The following SMPD3 variants were observed in gnomAD, a reference collection of about 807,000 sequenced individuals.
SMPD3 encodes sphingomyelin phosphodiesterase 3, also known as nSMase-2.
A neutral mutation model predicts 55.7 loss-of-function variants in SMPD3; 21 were observed. The ratio of observed to expected loss-of-function variants is 0.38; its 90% CI spans 0.27 to 0.54. SMPD3 has a LOEUF of 0.54. Among genes scored for constraint, SMPD3 ranks in the 20% least tolerant of loss-of-function variants. The pLI is 0.80. For missense variants in SMPD3, 842 were observed against 899.6 expected (o/e 0.94, Z 0.82); for synonymous variants, 457 against 404.3 (o/e 1.13, Z -1.56).
intron 1 of SMPD3, among the ~76,000 whole-genome samples, chr16:68,428,535 C>A (rs1214635283): frequency 6.6e-6 from 1 of 152,238 alleles, no homozygotes; most frequent in Non-Finnish European, 1.5e-5. Context: ...GGGTTTATCC[C>A]TTTGTCCTCA....
chr16:68,421,849 A>G (rs1190859626), intron 1 of SMPD3, among the ~76,000 whole-genome samples: 2 of 152,218 alleles, frequency 1.3e-5, no homozygotes, highest in African/African-American at 2.4e-5. Context: ...AAAGATGTCC[A>G]TATCCTAATC....
At chr16:68,376,494 G>C (rs2089818623) in intron 2 of SMPD3, among the ~76,000 whole-genome samples, 1 of 152,254 alleles carries the variant, frequency 6.6e-6, no homozygotes, top group Non-Finnish European at 1.5e-5. Context: ...GGCCTTGAGG[G>C]CTGAGTTTTT....
At chr16:68,421,562 G>A (rs771604041) in intron 1 of SMPD3, among the ~76,000 whole-genome samples, 1 of 152,144 alleles carries the variant, frequency 6.6e-6, no homozygotes, top group Non-Finnish European at 1.5e-5. Flanking sequence ...CACTCCCCCA[G>A]TACACCTGAA....
chr16:68,382,839 T>G (rs1308635117), intron 2 of SMPD3, among the ~76,000 whole-genome samples: 1 of 152,046 alleles, frequency 6.6e-6, no homozygotes, highest in African/African-American at 2.4e-5. Context: ...TTTGTTTTGT[T>G]TTGTTTTGTT....
chr16:68,382,208 G>C (rs2089965015), intron 2 of SMPD3: 2 of 151,946 alleles, frequency 1.3e-5, no homozygotes, highest in Non-Finnish European at 2.9e-5. Context: ...ACCTCTGCCA[G>C]GGGTCAGGGT....
chr16:68,395,091 G>GAA lies in SMPD3; in HGVS notation c.-268-8434_-268-8433dup, dbSNP rs77641348. Among the ~76,000 whole-genome samples, 561 of 137,534 alleles carry GAA rather than the reference G, an allele frequency of 4.1e-3. 3 individuals carry two copies. Among genetic ancestry groups the GAA allele is most frequent in the Non-Finnish European group, 6.8e-3 (426 of 62,894 alleles). The allele number at this position is 137,534 out of a possible 152,430, so 90.2% of individuals were successfully genotyped here. A position where few individuals can be genotyped will look rare whatever the true frequency, so the allele number is the denominator to read the frequency against. The stretch of plus-strand genomic sequence containing the variant: ...ATCTTTCCTAAGGGGGCTGGAATTG[G>GAA]AAAAAAAAAAAAAAGAGGCAGGATT... On this transcript the variant is annotated intron_variant, in intron 1 of 8. Coordinates refer to ENST00000219334, the MANE Select transcript of SMPD3 (RefSeq NM_018667.4).
intron 1 of SMPD3, among the ~76,000 whole-genome samples, chr16:68,420,220 C>T (rs577435757): frequency 5.3e-5 from 8 of 152,204 alleles, no homozygotes; most frequent in African/African-American, 1.7e-4. Flanking sequence ...TGGGATTATA[C>T]GTGTGAGCCA....
At chr16:68,373,597 G>A (rs972051439) in intron 2 of SMPD3, among the ~76,000 whole-genome samples, 4 of 152,124 alleles carry the variant, frequency 2.6e-5, no homozygotes, top group African/African-American at 9.7e-5. Context: ...CCCAAGCCAG[G>A]GACCTAGGTG....
intron 1 of SMPD3, among the ~76,000 whole-genome samples, chr16:68,413,363 G>C (rs1481760778): frequency 6.6e-6 from 1 of 152,208 alleles, no homozygotes; most frequent in East Asian, 1.9e-4. Context: ...GAAGATAGCT[G>C]CAAGATAGCT....
intron 1 of SMPD3, among the ~76,000 whole-genome samples, chr16:68,402,129 T>A (rs1248932574): frequency 6.6e-6 from 1 of 152,226 alleles, no homozygotes; most frequent in East Asian, 1.9e-4. Flanking sequence ...GTCATTTCCC[T>A]GGCTCTTCCT....
chr16:68,412,619 T>C (rs1272581991), intron 1 of SMPD3, among the ~76,000 whole-genome samples: 1 of 152,142 alleles, frequency 6.6e-6, no homozygotes, highest in African/African-American at 2.4e-5. Context: ...TGGTTTCAAT[T>C]ACAAAGAAAA....
chr16:68,418,651 G>A (rs1307330338), intron 1 of SMPD3, among the ~76,000 whole-genome samples: 1 of 152,194 alleles, frequency 6.6e-6, no homozygotes, highest in African/African-American at 2.4e-5. Flanking sequence ...GTCTACACTA[G>A]CACCCCATAT....
intron 5 of SMPD3, chr16:68,364,481 T>A: frequency 4.4e-6 from 2 of 454,744 alleles, no homozygotes; most frequent in Non-Finnish European, 7.8e-6. Context: ...ACTAGTGGAC[T>A]CGTCCTTTGT....
chr16:68,363,463 G>A (rs2089376378), intron 7 of SMPD3, 33 bp downstream of exon 7: 1 of 1,612,758 alleles, frequency 6.2e-7, no homozygotes. Flanking sequence ...GTCAGGGTGT[G>A]CCTCGTCCCT....
intron 1 of SMPD3, among the ~76,000 whole-genome samples, chr16:68,431,160 A>G (rs1017749490): frequency 2.6e-5 from 4 of 152,192 alleles, no homozygotes; most frequent in African/African-American, 9.7e-5. Context: ...GTAACTGGCA[A>G]GGAGCCAGGC....
chr16:68,372,074 G>A lies in SMPD3; in HGVS notation c.108C>T (p.Ala36=), dbSNP rs1263494165. ...PCYWLVDRLA[A]SFIPTTYEKR... ...TCTCGTAGGTGGTGGGTATGAAGGA[G>A]GCAGCGAGCCGGTCCACCAGCCAGT... The change falls in exon 3 of 9, where the codon GCC becomes GCT. Residue 36 remains alanine, a synonymous_variant. Coordinates refer to ENST00000219334, the MANE Select transcript of SMPD3 (RefSeq NM_018667.4). The A allele has an allele frequency of 1.2e-6, 2 of 1,606,866 alleles. No homozygotes were observed. The highest frequency in any genetic ancestry group is 4.5e-5 in the East Asian group (2 of 44,490).
chr16:68,433,628 T>G (rs929115694), intron 1 of SMPD3, among the ~76,000 whole-genome samples: 2 of 152,116 alleles, frequency 1.3e-5, no homozygotes, highest in Non-Finnish European at 2.9e-5. Flanking sequence ...AAGGATGAGA[T>G]AGGAGGAGTG....
intron 2 of SMPD3, among the ~76,000 whole-genome samples, chr16:68,374,367 G>A (rs1281196077): frequency 6.6e-6 from 1 of 152,254 alleles, no homozygotes; most frequent in East Asian, 1.9e-4. Context: ...AGCTTCACAA[G>A]GCTGTCACTC....
chr16:68,375,936 G>A (rs543985731), intron 2 of SMPD3, among the ~76,000 whole-genome samples: 59 of 152,140 alleles, frequency 3.9e-4, no homozygotes, highest in Non-Finnish European at 4.7e-4. Context: ...CCCGTCCATA[G>A]CCCCTCGCCA....
Sources: allele counts gnomAD v4.1 joint callset (sites outside exome capture counted in the v4.1 genomes callset), GRCh38; gene constraint gnomAD v4.1.1; transcripts MANE v1.5; gene names NCBI Gene and HGNC (gene_info 2026-07-23, HGNC 2026-07-21).